SPMIP2: variants seen among roughly 807,000 people sequenced by gnomAD.
The protein encoded by SPMIP2 is sperm microtubule inner protein 2.
chr4:159,055,048 C>T, the SPMIP2 span, among the ~76,000 whole-genome samples: 1 of 152,182 alleles, frequency 6.6e-6, no homozygotes, highest in African/African-American at 2.4e-5. Flanking sequence ...GTCCTAAAGA[C>T]GTCCTTTAAA....
chr4:158,995,441 A>C, the SPMIP2 span, among the ~76,000 whole-genome samples: 2 of 152,204 alleles, frequency 1.3e-5, no homozygotes, highest in African/African-American at 4.8e-5. Context: ...GATGGCTTAA[A>C]TAATATATTT....
chr4:159,065,085 T>A, the SPMIP2 span, among the ~76,000 whole-genome samples: 1 of 152,254 alleles, frequency 6.6e-6, no homozygotes, highest in Non-Finnish European at 1.5e-5. Flanking sequence ...ACATTATACC[T>A]GTTCACATAA....
chr4:158,967,248 G>A, the SPMIP2 span, among the ~76,000 whole-genome samples: 1 of 152,100 alleles, frequency 6.6e-6, no homozygotes, highest in Admixed American at 6.6e-5. Flanking sequence ...TGTATATAAG[G>A]AGGTTAATAT....
chr4:158,981,904 T>C, the SPMIP2 span, among the ~76,000 whole-genome samples: 6 of 147,664 alleles, frequency 4.1e-5, no homozygotes, highest in Admixed American at 4.1e-4. Flanking sequence ...ATGGGTTAAA[T>C]GCCCCAATTA....
the SPMIP2 span, chr4:158,906,622 A>T: frequency 6.6e-6 from 1 of 152,160 alleles, no homozygotes; most frequent in East Asian, 1.9e-4. Context: ...CCTGTTGGAA[A>T]ACTACAGGTG....
chr4:159,012,624 T>G, the SPMIP2 span, among the ~76,000 whole-genome samples: 3 of 152,010 alleles, frequency 2.0e-5, no homozygotes, highest in South Asian at 6.2e-4. Flanking sequence ...CACACTGGAG[T>G]GCAGTGGTGC....
chr4:158,912,851 T>C, the SPMIP2 span, among the ~76,000 whole-genome samples: 1 of 152,220 alleles, frequency 6.6e-6, no homozygotes, highest in African/African-American at 2.4e-5. Flanking sequence ...ATTTTGTTTA[T>C]TTCTGGAATG....
chr4:159,061,998 A>G, the SPMIP2 span, among the ~76,000 whole-genome samples: 2 of 152,178 alleles, frequency 1.3e-5, no homozygotes, highest in South Asian at 2.1e-4. Context: ...CAGAGAAACC[A>G]GCAGCAGTGG....
chr4:158,916,503 A>C, the SPMIP2 span, among the ~76,000 whole-genome samples: 1 of 152,312 alleles, frequency 6.6e-6, no homozygotes, highest in Non-Finnish European at 1.5e-5. Flanking sequence ...TGTCTCCAGC[A>C]GACCCTCCCC....
At chr4:158,927,381 C>T in the SPMIP2 span, among the ~76,000 whole-genome samples, 3 of 152,192 alleles carry the variant, frequency 2.0e-5, no homozygotes, top group African/African-American at 7.2e-5. Context: ...GAGTATATCT[C>T]TTATACACAA....
the SPMIP2 span, among the ~76,000 whole-genome samples, chr4:158,948,862 C>T: frequency 6.6e-6 from 1 of 152,006 alleles, no homozygotes; most frequent in Non-Finnish European, 1.5e-5. Flanking sequence ...CCATGGCTTC[C>T]CAAAGTTCTA....
chr4:159,025,808 T>C, the SPMIP2 span, among the ~76,000 whole-genome samples: 1 of 152,124 alleles, frequency 6.6e-6, no homozygotes, highest in Admixed American at 6.5e-5. Context: ...TCCCCCAAAT[T>C]ACAGATTTTT....
At chr4:158,895,617 ATTTT>A in the SPMIP2 span, 2 of 620,542 alleles carry the variant, frequency 3.2e-6, no homozygotes, top group South Asian at 3.9e-5. Context: ...ATGGCTTGTG[ATTTT>A]TTAAGTGTAT....
At chr4:158,922,081 G>C in the SPMIP2 span, among the ~76,000 whole-genome samples, 3 of 151,996 alleles carry the variant, frequency 2.0e-5, no homozygotes. Context: ...GTAGAGATGG[G>C]GTTTCACTGT....
chr4:158,987,520 A>G, the SPMIP2 span, among the ~76,000 whole-genome samples: 5 of 152,198 alleles, frequency 3.3e-5, no homozygotes, highest in African/African-American at 1.2e-4. Flanking sequence ...TTTTCAGTCA[A>G]CTATCGCAAG....
chr4:158,920,058 C>A, the SPMIP2 span, among the ~76,000 whole-genome samples: 2 of 152,204 alleles, frequency 1.3e-5, no homozygotes, highest in Non-Finnish European at 2.9e-5. Context: ...ATGGAGGGAC[C>A]AGCTGGAGCT....
chr4:158,918,753 T>C, the SPMIP2 span, among the ~76,000 whole-genome samples: 10 of 152,172 alleles, frequency 6.6e-5, no homozygotes, highest in African/African-American at 2.4e-4. Context: ...CCACACTGTA[T>C]TGAACTGGGC....
chr4:159,046,979 C>T, the SPMIP2 span, among the ~76,000 whole-genome samples: 8 of 152,108 alleles, frequency 5.3e-5, no homozygotes, highest in African/African-American at 9.7e-5. Context: ...TGTGGTAAGG[C>T]GGGGTTGATG....
the SPMIP2 span, among the ~76,000 whole-genome samples, chr4:158,909,095 T>C: frequency 6.6e-6 from 1 of 152,214 alleles, no homozygotes; most frequent in African/African-American, 2.4e-5. Context: ...GGCATTATAT[T>C]GGTATGATAT....
Sources: allele counts gnomAD v4.1 joint callset (sites outside exome capture counted in the v4.1 genomes callset), GRCh38; gene constraint gnomAD v4.1.1; transcripts MANE v1.5; gene names NCBI Gene and HGNC (gene_info 2026-07-23, HGNC 2026-07-21).